UGT3A2: variants seen among roughly 807,000 people sequenced by gnomAD.
UGT3A2 encodes UDP-glycosyltransferase 3A2.
In UGT3A2, 32 loss-of-function variants were observed where a neutral mutation model predicts 39.8. The ratio of observed to expected loss-of-function variants is 0.80; its 90% CI spans 0.61 to 1.08. UGT3A2 has a LOEUF of 1.08. UGT3A2 is among the 50% of genes least tolerant of loss of function. The probability of loss-of-function intolerance (pLI) is 0.00; values close to 1 mark genes in which losing one functional copy is unlikely to be tolerated. For missense variants in UGT3A2, 611 were observed against 637.1 expected, an observed-to-expected ratio of 0.96 and a Z score of 0.44; for synonymous variants, 241 against 230.7, an observed-to-expected ratio of 1.04 and a Z score of -0.40.
At chr5:36,060,539 A>T (rs556435228) in intron 2 of UGT3A2, among the ~76,000 whole-genome samples, 2 of 152,298 alleles carry the variant, frequency 1.3e-5, no homozygotes, top group East Asian at 1.9e-4. Context: ...TCTACCCAAT[A>T]AAAAGGGTTG....
intron 4 of UGT3A2, among the ~76,000 whole-genome samples, chr5:36,040,624 C>T (rs1297191496): frequency 6.6e-6 from 1 of 152,150 alleles, no homozygotes; most frequent in Non-Finnish European, 1.5e-5. Flanking sequence ...ATTCAGCTGG[C>T]ACCCATGCAG....
intron 4 of UGT3A2, among the ~76,000 whole-genome samples, chr5:36,040,680 G>C (rs1274333740): frequency 6.6e-6 from 1 of 152,222 alleles, no homozygotes; most frequent in Admixed American, 6.5e-5. Context: ...ATCCACCTCA[G>C]CAGTAGGAAC....
rs1434038463 is a variant in UGT3A2, at chr5:36,037,938, A to G, written c.1154T>C (p.Met385Thr). ...IMEAIQHGVP[M>T]VGIPLFGDQP... The stretch of plus-strand genomic sequence containing the variant: ...GTCTCCAAAGAGAGGGATCCCCACC[A>G]TGGGCACACCATGCTGGATGGCCTC... The change falls in exon 6 of 7, where the codon ATG becomes ACG. Residue 385 changes from methionine to threonine, a missense_variant. Coordinates refer to ENST00000282507, the MANE Select transcript of UGT3A2 (RefSeq NM_174914.4). 6.2e-7 allele frequency: 1 copy of G among 1,614,186 alleles called. No homozygotes were observed. Among genetic ancestry groups the G allele is most frequent in the Admixed American group, 1.7e-5 (1 of 60,030 alleles).
chr5:36,066,603 T>C lies in UGT3A2; in HGVS notation c.94+93A>G, dbSNP rs141819208. The C allele has an allele frequency of 2.0e-4, 326 of 1,592,244 alleles. 2 individuals are homozygous for C. The African/African-American group carries it at 3.9e-3, about 19-fold the overall frequency. On this transcript the variant is annotated intron_variant, in intron 1 of 6. Transcript: ENST00000282507. ...CGCAAGCCCAGCCTGGAAAATCACG[T>C]GGATGACTCTGATCAAGCGCTGTTC...
intron 2 of UGT3A2, among the ~76,000 whole-genome samples, chr5:36,061,790 G>C (rs1742713067): frequency 6.6e-6 from 1 of 152,048 alleles, no homozygotes; most frequent in South Asian, 2.1e-4. Flanking sequence ...GGTATTTCTA[G>C]TTCTAGATCC....
chr5:36,059,398 A>T (rs1312122585), intron 2 of UGT3A2, among the ~76,000 whole-genome samples: 2 of 112,554 alleles, frequency 1.8e-5, no homozygotes, highest in Non-Finnish European at 3.6e-5. Flanking sequence ...GGTACATATC[A>T]TCTTTTTGTT....
intron 3 of UGT3A2, 108 bp downstream of exon 3, chr5:36,051,762 C>G (rs1480560535): frequency 1.3e-6 from 1 of 792,274 alleles, no homozygotes; most frequent in Non-Finnish European, 2.0e-6. Context: ...ATCCATCCAT[C>G]CATTCGTCAC....
intron 4 of UGT3A2, among the ~76,000 whole-genome samples, chr5:36,042,508 A>G (rs537323533): frequency 6.6e-6 from 1 of 152,310 alleles, no homozygotes; most frequent in Non-Finnish European, 1.5e-5. Context: ...CAGAAAACAA[A>G]TAACAAAATG....
At position 36,049,404 on chromosome 5, in the gene UGT3A2, A is replaced by G. The variant is rs759420610; in HGVS notation, c.328T>C (p.Leu110=). The change falls in exon 4 of 7, where the codon TTA becomes CTA. Residue 110 remains leucine, a synonymous_variant. Transcript: ENST00000282507. Reference sequence around the variant, plus strand: ...GCCAAGTATTCTAGAACATTTAATAAGTTTTCAAATTTTCCTCTGTAAGAA... The same window carrying G: ...GCCAAGTATTCTAGAACATTTAATAGGTTTTCAAATTTTCCTCTGTAAGAA... The part of the protein sequence containing the change: ...TLGGRGKFEN[L]LNVLEYLALQ... 6.4e-7 allele frequency: 1 copy of G among 1,558,966 alleles called. No homozygotes were observed. Among genetic ancestry groups the G allele is most frequent in the Admixed American group, 2.1e-5 (1 of 47,038 alleles).
intron 3 of UGT3A2, 140 bp from the exon 4 acceptor site, chr5:36,049,560 A>G: frequency 1.5e-6 from 1 of 649,766 alleles, no homozygotes; most frequent in Non-Finnish European, 2.5e-6. Flanking sequence ...CCAGTTTCCC[A>G]CAAATACCCT....
intron 4 of UGT3A2, among the ~76,000 whole-genome samples, chr5:36,047,363 A>G (rs1293065996): frequency 2.0e-5 from 3 of 152,216 alleles, no homozygotes; most frequent in Non-Finnish European, 4.4e-5. Flanking sequence ...CCAGCGTCAT[A>G]TATTTTGGGC....
chr5:36,038,531 G>T (rs1243655227), intron 5 of UGT3A2, among the ~76,000 whole-genome samples: 1 of 152,194 alleles, frequency 6.6e-6, no homozygotes, highest in Non-Finnish European at 1.5e-5. Flanking sequence ...AATTATAAGA[G>T]AAGTGCCTTG....
At chr5:36,064,180 C>T in intron 2 of UGT3A2, 69 bp downstream of exon 2, 2 of 1,399,690 alleles carry the variant, frequency 1.4e-6, no homozygotes, top group Non-Finnish European at 2.0e-6. Context: ...TTTGCTAAGC[C>T]TTTCTATGCA....
chr5:36,038,835 A>G (rs1741914244), intron 5 of UGT3A2, among the ~76,000 whole-genome samples: 1 of 152,228 alleles, frequency 6.6e-6, no homozygotes. Context: ...GTCAGTGTCT[A>G]TGGCAGCACA....
chr5:36,038,552 G>A (rs1044652144), intron 5 of UGT3A2, among the ~76,000 whole-genome samples: 4 of 152,182 alleles, frequency 2.6e-5, no homozygotes, highest in African/African-American at 7.2e-5. Flanking sequence ...AAAGTAGACT[G>A]GATCCTTCGC....
intron 2 of UGT3A2, among the ~76,000 whole-genome samples, chr5:36,055,389 T>C (rs1742479298): frequency 6.6e-6 from 1 of 151,980 alleles, no homozygotes; most frequent in Non-Finnish European, 1.5e-5. Context: ...CGAGCCACCA[T>C]GCCTGGCTAA....
Position 36,038,493 on chromosome 5 carries a change from A to G in UGT3A2, c.1076-477T>C, listed in dbSNP as rs146597240. ...CATCACAACTCATATGTCACTCATA[A>G]AACTTGTATTGACCGTATGGTGTCC... On this transcript the variant is annotated intron_variant, in intron 5 of 6. Transcript: ENST00000282507. 5.0e-4 allele frequency among the ~76,000 whole-genome samples: 76 copies of G among 152,302 alleles called. 1 individual carries two copies. Among genetic ancestry groups the G allele is most frequent in the African/African-American group, 1.8e-3 (75 of 41,568 alleles).
intron 2 of UGT3A2, among the ~76,000 whole-genome samples, chr5:36,056,804 T>G (rs891811008): frequency 1.3e-5 from 2 of 152,254 alleles, no homozygotes; most frequent in Middle Eastern, 3.2e-3. Flanking sequence ...TTCTGCCTCA[T>G]AGTTATTTTC....
chr5:36,064,119 A>G (rs1156325493), intron 2 of UGT3A2, 130 bp downstream of exon 2: 2 of 836,808 alleles, frequency 2.4e-6, no homozygotes, highest in East Asian at 5.4e-5. Flanking sequence ...TTACATACAC[A>G]CACACACAAG....
Sources: gnomAD v4.1 joint callset for allele counts (sites outside exome capture counted in the v4.1 genomes callset) on GRCh38, gnomAD v4.1.1 for gene constraint, MANE v1.5 for transcripts, NCBI Gene and HGNC (gene_info 2026-07-23, HGNC 2026-07-21) for gene names.